NEO1: variants seen among roughly 807,000 people sequenced by gnomAD.
NEO1 encodes neogenin 1, also known as neogenin.
NEO1 carries 63 observed loss-of-function variants against 159.7 expected under a neutral mutation model. The ratio of observed to expected loss-of-function variants is 0.39; its 90% CI spans 0.32 to 0.49. The LOEUF (loss-of-function observed/expected upper bound fraction) is 0.49. NEO1 is among the 20% of genes least tolerant of loss of function. The pLI, the probability that NEO1 is intolerant of heterozygous loss-of-function variation, is 0.85. For missense variants in NEO1, 1,615 were observed against 1,831.0 expected (o/e 0.88, Z 2.15); for synonymous variants, 633 against 662.0 (o/e 0.96, Z 0.67).
intron 6 of NEO1, among the ~76,000 whole-genome samples, chr15:73,177,569 CAG>C (rs1296979264): frequency 6.6e-6 from 1 of 151,992 alleles, no homozygotes; most frequent in African/African-American, 2.4e-5. Flanking sequence ...TTTTTTAAGA[CAG>C]GGTCTCGCTG....
intron 8 of NEO1, among the ~76,000 whole-genome samples, chr15:73,237,518 A>G (rs911448870): frequency 6.6e-6 from 1 of 152,242 alleles, no homozygotes; most frequent in Non-Finnish European, 1.5e-5. Context: ...GCCCTAATAC[A>G]TCAGCTAAAG....
intron 7 of NEO1, among the ~76,000 whole-genome samples, chr15:73,234,033 G>A (rs2039049527): frequency 6.6e-6 from 1 of 152,122 alleles, no homozygotes; most frequent in Non-Finnish European, 1.5e-5. Flanking sequence ...GCTCTTTCCG[G>A]TATGCTCTGC....
At chr15:73,077,684 T>A (rs1478133989) in intron 1 of NEO1, among the ~76,000 whole-genome samples, 1 of 152,244 alleles carries the variant, frequency 6.6e-6, no homozygotes. Context: ...ATTGAGCAGC[T>A]ATGTATGAGG....
chr15:73,219,767 A>T (rs1286567880), intron 7 of NEO1, among the ~76,000 whole-genome samples: 11 of 130,278 alleles, frequency 8.4e-5, no homozygotes, highest in Non-Finnish European at 3.3e-5. Flanking sequence ...TTTGTTTTCC[A>T]TTTGCTTGGT....
chr15:73,300,556 C>T (rs1355995305), intron 27 of NEO1, among the ~76,000 whole-genome samples: 1 of 152,212 alleles, frequency 6.6e-6, no homozygotes, highest in Non-Finnish European at 1.5e-5. Flanking sequence ...ATGGTGAAAC[C>T]CCGCCTCTAC....
chr15:73,073,478 G>T (rs1015815563), intron 1 of NEO1, among the ~76,000 whole-genome samples: 1 of 151,986 alleles, frequency 6.6e-6, no homozygotes, highest in Non-Finnish European at 1.5e-5. Flanking sequence ...ATTCTGGAGC[G>T]TATTTAAAAA....
intron 5 of NEO1, among the ~76,000 whole-genome samples, chr15:73,145,143 AG>A (rs1378929280): frequency 6.6e-6 from 1 of 152,246 alleles, no homozygotes; most frequent in South Asian, 2.1e-4. Flanking sequence ...CTGTTAAAAA[AG>A]GGGGGAGGTG....
chr15:73,122,044 T>C (rs1434460606), intron 2 of NEO1, among the ~76,000 whole-genome samples: 1 of 106,640 alleles, frequency 9.4e-6, no homozygotes, highest in South Asian at 3.3e-4. Context: ...AGGAAATATA[T>C]AGGGGTGTGT....
intron 15 of NEO1, among the ~76,000 whole-genome samples, chr15:73,260,840 ATTG>A (rs1347973975): frequency 6.6e-6 from 1 of 152,176 alleles, no homozygotes; most frequent in Non-Finnish European, 1.5e-5. Context: ...CTGCTATAAA[ATTG>A]TTATTTTTTT....
chr15:73,236,019 C>T lies in NEO1; in HGVS notation c.1292-328C>T, dbSNP rs376332076. 5.9e-5 allele frequency among the ~76,000 whole-genome samples: 9 copies of T among 152,290 alleles called. No homozygotes were observed. The East Asian group carries it at 1.4e-3, about 23-fold the overall frequency. On this transcript the variant is annotated intron_variant, in intron 7 of 28. Transcript: ENST00000261908. ...AAGTTTTATTCTCAGCTGTCACCCTCCTTGTCCCTTGCCCATAACCATTAT... is the reference window on the plus strand; with the variant it reads ...AAGTTTTATTCTCAGCTGTCACCCTTCTTGTCCCTTGCCCATAACCATTAT...
intron 1 of NEO1, among the ~76,000 whole-genome samples, chr15:73,081,399 G>A (rs944881271): frequency 1.3e-5 from 2 of 152,088 alleles, no homozygotes; most frequent in Non-Finnish European, 2.9e-5. Context: ...ATAATGTTCT[G>A]AGGGCCAATT....
Position 73,190,106 on chromosome 15 carries a change from G to A in NEO1, c.1291+11679G>A, listed in dbSNP as rs1031136547. Among the ~76,000 whole-genome samples, 9 of 152,096 alleles carry A rather than the reference G, an allele frequency of 5.9e-5. No homozygotes were observed. The South Asian group carries it at 1.9e-3, about 32-fold the overall frequency. On this transcript the variant is annotated intron_variant, in intron 7 of 28. Coordinates refer to ENST00000261908, the MANE Select transcript of NEO1 (RefSeq NM_002499.4). ...TATTAAATTACATTTTCAAAAAAAA[G>A]CATTGGCAGGTACATTGTTATTATT...
intron 1 of NEO1, among the ~76,000 whole-genome samples, chr15:73,075,398 T>C (rs1396046353): frequency 6.6e-6 from 1 of 152,152 alleles, no homozygotes; most frequent in East Asian, 1.9e-4. Context: ...TGAGACAACA[T>C]ATTAAGAATC....
At position 73,302,769 on chromosome 15, in the gene NEO1, G is replaced by T. The variant is rs1290285466; in HGVS notation, c.*73G>T. On this transcript the variant is annotated 3_prime_UTR_variant, in exon 29 of 29. Coordinates refer to ENST00000261908, the MANE Select transcript of NEO1 (RefSeq NM_002499.4). Reference sequence around the variant, plus strand: ...AACTTACCCTTGAAAACAAGGAATTGTACAGAGTACGAGAGGACAGCACTT... The same window carrying T: ...AACTTACCCTTGAAAACAAGGAATTTTACAGAGTACGAGAGGACAGCACTT... The T allele has an allele frequency of 7.3e-7, 1 of 1,371,042 alleles. No individual in the cohort carries two copies. Among genetic ancestry groups the T allele is most frequent in the African/African-American group, 1.4e-5 (1 of 69,802 alleles). The allele number at this position is 1,371,042 out of a possible 1,614,324, so 84.9% of individuals were successfully genotyped here.
chr15:73,105,236 A>T (rs1040575269), intron 1 of NEO1, among the ~76,000 whole-genome samples: 2 of 152,208 alleles, frequency 1.3e-5, no homozygotes, highest in African/African-American at 4.8e-5. Context: ...TAAAGAACCA[A>T]ACAAATGTCC....
At chr15:73,161,185 A>C (rs180884253) in intron 5 of NEO1, among the ~76,000 whole-genome samples, 151 of 152,234 alleles carry the variant, frequency 9.9e-4, no homozygotes, top group African/African-American at 3.4e-3. Flanking sequence ...CTCCAAGATT[A>C]TATTTTTTAA....
rs954707321 is a variant in NEO1 at position 73,189,063 on chromosome 15, C to T, written c.1291+10636C>T. Among the ~76,000 whole-genome samples the T allele has an allele frequency of 2.6e-5, 4 of 152,190 alleles. No individual in the cohort carries two copies. In the East Asian group the frequency reaches 5.8e-4, roughly 22 times the overall value. On this transcript the variant is annotated intron_variant, in intron 7 of 28. Coordinates refer to ENST00000261908, the MANE Select transcript of NEO1 (RefSeq NM_002499.4). ...TCAATGAGCTGTGATTGCACCACTG[C>T]ACTCTAGCCTGGGCAACAGAGCAAG...
chr15:73,249,359 G>C, intron 10 of NEO1, 151 bp downstream of exon 10: 1 of 1,047,014 alleles, frequency 9.6e-7, no homozygotes, highest in South Asian at 1.7e-5. Context: ...TTTGTACCAA[G>C]ATTTATTGTG....
chr15:73,224,144 T>C (rs1369827869), intron 7 of NEO1, among the ~76,000 whole-genome samples: 1 of 152,226 alleles, frequency 6.6e-6, no homozygotes, highest in Non-Finnish European at 1.5e-5. Context: ...CCCTTCTAGC[T>C]TCTAGGGTTT....
Sources: allele counts gnomAD v4.1 joint callset (sites outside exome capture counted in the v4.1 genomes callset), GRCh38; gene constraint gnomAD v4.1.1; transcripts MANE v1.5; gene names NCBI Gene and HGNC (gene_info 2026-07-23, HGNC 2026-07-21).